Variants in GPD1L observed in about 807,000 individuals in gnomAD.
GPD1L encodes glycerol-3-phosphate dehydrogenase 1-like protein.
A neutral mutation model predicts 32.9 loss-of-function variants in GPD1L; 17 were observed. The ratio of observed to expected loss-of-function variants is 0.52; its 90% CI spans 0.35 to 0.78. The LOEUF (loss-of-function observed/expected upper bound fraction) is 0.78. Ranked by LOEUF, GPD1L falls within the 30% of genes least tolerant of loss-of-function variation. The pLI is 0.01. For synonymous variants in GPD1L, 187 were observed against 165.9 expected (o/e 1.13, Z -0.98); for missense variants, 361 against 447.8 (o/e 0.81, Z 1.75).
At chr3:32,144,251 A>G (rs1297395719) in intron 4 of GPD1L, among the ~76,000 whole-genome samples, 1 of 152,168 alleles carries the variant, frequency 6.6e-6, no homozygotes, top group Non-Finnish European at 1.5e-5. Context: ...TGGAGGGAAA[A>G]GATAGGGCAG....
chr3:32,149,380 T>C (rs1233052833), intron 5 of GPD1L, among the ~76,000 whole-genome samples: 2 of 152,216 alleles, frequency 1.3e-5, no homozygotes, highest in African/African-American at 4.8e-5. Context: ...TTTTACTTTT[T>C]TACGTTAACA....
chr3:32,164,852 A>G (rs1303028561), intron 7 of GPD1L, among the ~76,000 whole-genome samples: 3 of 152,158 alleles, frequency 2.0e-5, no homozygotes, highest in Non-Finnish European at 2.9e-5. Flanking sequence ...AATTTTCAGG[A>G]TTGCCTTTCA....
At chr3:32,161,538 A>G (rs1701073572) in intron 7 of GPD1L, among the ~76,000 whole-genome samples, 1 of 152,146 alleles carries the variant, frequency 6.6e-6, no homozygotes, top group Admixed American at 6.5e-5. Flanking sequence ...GACTCTCCCA[A>G]CCAGAATTTT....
chr3:32,118,224 T>C (rs553408036), intron 1 of GPD1L, among the ~76,000 whole-genome samples: 1 of 152,256 alleles, frequency 6.6e-6, no homozygotes, highest in South Asian at 2.1e-4. Context: ...AAAAATAAAC[T>C]AACACATGCC....
Position 32,123,707 on chromosome 3 carries a change from C to CAGAT in GPD1L, c.48-4351_48-4348dup, listed in dbSNP as rs112316528. ...ATGCGGGAGTCGAAAGACAGACAGA[C>CAGAT]AGATAGATAGATAGATAGATATGCA... On this transcript the variant is annotated intron_variant, in intron 1 of 7. Coordinates refer to ENST00000282541, the MANE Select transcript of GPD1L (RefSeq NM_015141.4). 3.0e-3 allele frequency among the ~76,000 whole-genome samples: 448 copies of CAGAT among 151,728 alleles called. 2 individuals carry two copies. The highest frequency in any genetic ancestry group is 6.5e-3 in the African/African-American group (270 of 41,296).
chr3:32,165,141 G>T (rs1701127836), intron 7 of GPD1L, among the ~76,000 whole-genome samples: 1 of 152,334 alleles, frequency 6.6e-6, no homozygotes, highest in Middle Eastern at 3.4e-3. Context: ...AGGAGGCAGA[G>T]GTTGCAGTGA....
At chr3:32,164,617 T>C (rs1701119934) in intron 7 of GPD1L, among the ~76,000 whole-genome samples, 1 of 152,186 alleles carries the variant, frequency 6.6e-6, no homozygotes, top group African/African-American at 2.4e-5. Flanking sequence ...GTCAGAAGGA[T>C]TGTGAAACTT....
chr3:32,164,933 C>T (rs1239492976), intron 7 of GPD1L, among the ~76,000 whole-genome samples: 4 of 152,204 alleles, frequency 2.6e-5, no homozygotes, highest in South Asian at 2.1e-4. Context: ...TGGGCCGGCG[C>T]GGTGGCTCAC....
At chr3:32,123,685 C>T (rs1010757821) in intron 1 of GPD1L, among the ~76,000 whole-genome samples, 3 of 151,838 alleles carry the variant, frequency 2.0e-5, no homozygotes, top group East Asian at 1.9e-4. Flanking sequence ...TCTCAAAATG[C>T]GGGAGTCGAA....
chr3:32,142,621 G>A (rs1050003958), intron 4 of GPD1L, among the ~76,000 whole-genome samples: 2 of 152,130 alleles, frequency 1.3e-5, no homozygotes, highest in African/African-American at 4.8e-5. Flanking sequence ...AGATTAACTA[G>A]TTTGTTCCAA....
chr3:32,164,600 A>T (rs1016219961), intron 7 of GPD1L, among the ~76,000 whole-genome samples: 2 of 152,238 alleles, frequency 1.3e-5, no homozygotes, highest in Admixed American at 1.3e-4. Flanking sequence ...ACAGATGGGC[A>T]AACAGGGTCA....
At chr3:32,153,917 A>G (rs1395520656) in intron 5 of GPD1L, among the ~76,000 whole-genome samples, 1 of 152,114 alleles carries the variant, frequency 6.6e-6, no homozygotes. Flanking sequence ...GTCACTCAGG[A>G]GATGGGGAAG....
chr3:32,120,275 A>AC (rs1700391806), intron 1 of GPD1L, among the ~76,000 whole-genome samples: 1 of 152,036 alleles, frequency 6.6e-6, no homozygotes, highest in Non-Finnish European at 1.5e-5. Context: ...TCAAGATCGC[A>AC]CCACTGTACT....
intron 2 of GPD1L, among the ~76,000 whole-genome samples, chr3:32,136,842 G>A (rs761164978): frequency 5.3e-5 from 8 of 152,014 alleles, no homozygotes; most frequent in Non-Finnish European, 8.8e-5. Context: ...AAGGTTTTCA[G>A]CTCACAGAAA....
intron 1 of GPD1L, among the ~76,000 whole-genome samples, chr3:32,121,912 A>G (rs1700428986): frequency 6.6e-6 from 1 of 151,652 alleles, no homozygotes; most frequent in African/African-American, 2.4e-5. Context: ...CTGGGATTAC[A>G]GGCACGCGCC....
At chr3:32,137,868 A>G (rs1453921403) in intron 2 of GPD1L, among the ~76,000 whole-genome samples, 2 of 152,190 alleles carry the variant, frequency 1.3e-5, no homozygotes, top group African/African-American at 4.8e-5. Flanking sequence ...TTAGTGTGGG[A>G]TCATTTACAG....
At chr3:32,125,649 C>A (rs1700496338) in intron 1 of GPD1L, among the ~76,000 whole-genome samples, 1 of 152,208 alleles carries the variant, frequency 6.6e-6, no homozygotes, top group Non-Finnish European at 1.5e-5. Context: ...CTAACCACAT[C>A]TGCTTCCACT....
Position 32,128,135 on chromosome 3 carries a change from C to G in GPD1L, c.107C>G (p.Ser36Cys). 6.2e-7 allele frequency: 1 copy of G among 1,612,226 alleles called. No individual in the cohort carries two copies. The change falls in exon 2 of 8, where the codon TCC becomes TGC. Residue 36 changes from serine (S) to cysteine (C), a missense_variant. Coordinates refer to ENST00000282541, the MANE Select transcript of GPD1L (RefSeq NM_015141.4). ...GTCAAGAAACTTCAGAAATTTGCCT[C>G]CACAGTCAAGATGTGGGTCTTTGAA... ...NNVKKLQKFASTVKMWVFEET... is the reference protein window; with the variant it reads ...NNVKKLQKFACTVKMWVFEET...
intron 5 of GPD1L, among the ~76,000 whole-genome samples, chr3:32,153,137 T>G (rs1249847383): frequency 6.6e-6 from 1 of 152,182 alleles, no homozygotes; most frequent in Non-Finnish European, 1.5e-5. Flanking sequence ...GCAGTTCTAA[T>G]TGCTGGGCAT....
Sources: allele counts gnomAD v4.1 joint callset (sites outside exome capture counted in the v4.1 genomes callset), GRCh38; gene constraint gnomAD v4.1.1; transcripts MANE v1.5; gene names NCBI Gene and HGNC (gene_info 2026-07-23, HGNC 2026-07-21).